FRMD4A: variants seen among roughly 807,000 people sequenced by gnomAD.
FRMD4A encodes FERM domain containing 4A.
FRMD4A carries 29 observed loss-of-function variants against 129.1 expected under a neutral mutation model. The observed-to-expected ratio is 0.22, with a 90% CI of 0.17 to 0.31. The LOEUF (loss-of-function observed/expected upper bound fraction) is 0.31. Among genes scored for constraint, FRMD4A ranks in the 10% least tolerant of loss-of-function variants. The probability of loss-of-function intolerance (pLI) is 1.00; values close to 1 mark genes in which losing one functional copy is unlikely to be tolerated. For synonymous variants in FRMD4A, 634 were observed against 571.6 expected (o/e 1.11, Z -1.56); for missense variants, 1,272 against 1,375.8 (o/e 0.92, Z 1.19).
intron 24 of FRMD4A, chr10:13,651,490 T>C (rs59418249): frequency 0.043 from 7,562 of 175,622 alleles, 509 homozygotes; most frequent in African/African-American, 0.14. Context: ...GTCAGGAGTT[T>C]GAGACTATCC....
chr10:14,117,117 TG>T (rs1348679205), intron 2 of FRMD4A, among the ~76,000 whole-genome samples: 1 of 152,238 alleles, frequency 6.6e-6, no homozygotes, highest in Non-Finnish European at 1.5e-5. Context: ...AGCTGATTCC[TG>T]GAAGACACTG....
chr10:13,883,528 C>A (rs1404789853), intron 2 of FRMD4A, among the ~76,000 whole-genome samples: 1 of 152,128 alleles, frequency 6.6e-6, no homozygotes, highest in Non-Finnish European at 1.5e-5. Context: ...AGAAACAAAG[C>A]ACTGTGTTTT....
intron 15 of FRMD4A, among the ~76,000 whole-genome samples, chr10:13,681,374 T>C (rs1251184491): frequency 6.6e-6 from 1 of 152,184 alleles, no homozygotes; most frequent in Non-Finnish European, 1.5e-5. Context: ...CTGGGATTAA[T>C]GAAGTAGAAG....
At chr10:14,190,199 A>G (rs1842274890) in intron 2 of FRMD4A, among the ~76,000 whole-genome samples, 1 of 152,356 alleles carries the variant, frequency 6.6e-6, no homozygotes, top group African/African-American at 2.4e-5. Context: ...GCCCTAGCAG[A>G]CGAGTTTGTT....
chr10:14,262,131 G>T (rs1844827940), intron 2 of FRMD4A, among the ~76,000 whole-genome samples: 1 of 152,112 alleles, frequency 6.6e-6, no homozygotes. Context: ...AGAGTTCGGG[G>T]AAAACCCATC....
At chr10:14,205,051 T>C (rs1334937446) in intron 2 of FRMD4A, among the ~76,000 whole-genome samples, 1 of 46,204 alleles carries the variant, frequency 2.2e-5, no homozygotes, top group Non-Finnish European at 4.2e-5. Flanking sequence ...ATCTTTTTTT[T>C]CTTTTCTTTC....
At chr10:13,766,618 A>G (rs1444620870) in intron 6 of FRMD4A, among the ~76,000 whole-genome samples, 1 of 152,186 alleles carries the variant, frequency 6.6e-6, no homozygotes, top group Non-Finnish European at 1.5e-5. Context: ...GTGGGAAGAC[A>G]TCCTGAGAGT....
chr10:13,859,737 C>T (rs1237213395), intron 2 of FRMD4A, among the ~76,000 whole-genome samples: 1 of 152,170 alleles, frequency 6.6e-6, no homozygotes, highest in Non-Finnish European at 1.5e-5. Flanking sequence ...CGGCCCCCTC[C>T]TTGTGTATGA....
chr10:13,747,958 G>A (rs537804551), intron 8 of FRMD4A, 139 bp from the exon 9 acceptor site: 24 of 640,110 alleles, frequency 3.7e-5, no homozygotes, highest in African/African-American at 3.4e-4. Context: ...GGGAAGGGGC[G>A]CTCTCTTTTT....
rs759269614 is a variant in FRMD4A at position 13,670,422 on chromosome 10, A to G, written c.1358T>C (p.Ile453Thr). ...AGGACGCACCTCTCCTTTGGGCAGG[A>G]TTTTCTGTTCATCCAGTTTGAAGGC... ...GTAFKLDEQK[I>T]LPKGEEAELE... Residue 453 changes from isoleucine to threonine, a missense_variant, in exon 17 of 25, where the codon ATC becomes ACC. Ile to Thr is a moderately conservative substitution (Grantham distance 89). Coordinates refer to ENST00000357447, the MANE Select transcript of FRMD4A (RefSeq NM_018027.5). 2 of 1,613,212 alleles carry G rather than the reference A, an allele frequency of 1.2e-6. No individual in the cohort carries two copies. The highest frequency in any genetic ancestry group is 1.7e-6 in the Non-Finnish European group (2 of 1,179,524).
At chr10:13,683,406 G>A (rs539662441) in intron 15 of FRMD4A, among the ~76,000 whole-genome samples, 3 of 151,218 alleles carry the variant, frequency 2.0e-5, no homozygotes, top group South Asian at 2.1e-4. Flanking sequence ...GCAACACAGC[G>A]AGACCCTATC....
intron 2 of FRMD4A, among the ~76,000 whole-genome samples, chr10:14,019,842 T>C (rs1419664808): frequency 6.6e-6 from 1 of 152,212 alleles, no homozygotes; most frequent in Admixed American, 6.5e-5. Flanking sequence ...AGTCTGATAC[T>C]GGGTTATTTA....
chr10:13,653,927 T>C (rs559038290), intron 23 of FRMD4A: 26 of 187,508 alleles, frequency 1.4e-4, no homozygotes, highest in African/African-American at 6.1e-4. Context: ...CCTGATCTCT[T>C]TTGTGTGTTG....
intron 12 of FRMD4A, among the ~76,000 whole-genome samples, chr10:13,709,070 C>T (rs974238584): frequency 2.6e-5 from 4 of 152,206 alleles, no homozygotes; most frequent in Non-Finnish European, 5.9e-5. Context: ...TCAAGCGATT[C>T]TTGTGCCTCA....
chr10:14,106,013 T>C (rs1222433595), intron 2 of FRMD4A, among the ~76,000 whole-genome samples: 1 of 152,206 alleles, frequency 6.6e-6, no homozygotes, highest in Non-Finnish European at 1.5e-5. Context: ...ATTAATTCTT[T>C]AGGGATTGCA....
intron 2 of FRMD4A, among the ~76,000 whole-genome samples, chr10:14,076,607 T>C (rs953815967): frequency 6.6e-6 from 1 of 151,424 alleles, no homozygotes; most frequent in Non-Finnish European, 1.5e-5. Context: ...GCCACTGCAC[T>C]CCAGCCTGGG....
chr10:13,647,668 T>C (rs2134337120), intron 24 of FRMD4A: 1 of 152,198 alleles, frequency 6.6e-6, no homozygotes, highest in East Asian at 1.9e-4. Flanking sequence ...ATAACATGCA[T>C]TGTTTTGTGA....
chr10:14,091,010 A>C (rs1357115730), intron 2 of FRMD4A, among the ~76,000 whole-genome samples: 1 of 152,068 alleles, frequency 6.6e-6, no homozygotes, highest in African/African-American at 2.4e-5. Flanking sequence ...AATATTACCT[A>C]GTCACTATCC....
intron 21 of FRMD4A, among the ~76,000 whole-genome samples, chr10:13,658,031 T>C (rs554985997): frequency 7.0e-6 from 1 of 142,656 alleles, no homozygotes; most frequent in South Asian, 2.1e-4. Flanking sequence ...GGGTCCCAGC[T>C]AGTCAGGAGG....
Sources: gnomAD v4.1 joint callset for allele counts (sites outside exome capture counted in the v4.1 genomes callset) on GRCh38, gnomAD v4.1.1 for gene constraint, MANE v1.5 for transcripts, NCBI Gene and HGNC (gene_info 2026-07-23, HGNC 2026-07-21) for gene names.